Variants in KYNU observed in about 807,000 individuals in gnomAD.
The protein encoded by KYNU is kynureninase, also known as L-kynurenine hydrolase.
In KYNU, 54 loss-of-function variants were observed where a neutral mutation model predicts 59.2. That is an observed-to-expected ratio of 0.91 (90% confidence interval 0.73 to 1.14). The LOEUF (loss-of-function observed/expected upper bound fraction) is 1.14, where lower values mean the gene tolerates loss of function less well. KYNU is among the 50% of genes most tolerant of loss of function. The pLI, the probability that KYNU is intolerant of heterozygous loss-of-function variation, is 0.00. For missense variants in KYNU, 567 were observed against 554.4 expected (o/e 1.02, Z -0.23); for synonymous variants, 177 against 192.0 (o/e 0.92, Z 0.65).
intron 8 of KYNU, among the ~76,000 whole-genome samples, chr2:142,972,858 GTC>G (rs1340539336): frequency 6.8e-6 from 1 of 146,230 alleles, no homozygotes; most frequent in Non-Finnish European, 1.5e-5. Flanking sequence ...CAGAGATGAG[GTC>G]TCTCTCTACA....
At chr2:142,930,628 G>A (rs1683178196) in intron 4 of KYNU, among the ~76,000 whole-genome samples, 1 of 152,026 alleles carries the variant, frequency 6.6e-6, no homozygotes, top group Admixed American at 6.6e-5. Context: ...TTGTGTACTG[G>A]AGGAAACAGT....
chr2:143,004,086 G>A lies in KYNU; in HGVS notation c.902+18065G>A, dbSNP rs867840509. ...ATCATTTTGACTAATTCATGAAAAT[G>A]TAACAAATTCATTAGATGATAGGCT... On this transcript the variant is annotated intron_variant, in intron 10 of 13. Coordinates refer to ENST00000264170, the MANE Select transcript of KYNU (RefSeq NM_003937.3). 1.3e-5 allele frequency among the ~76,000 whole-genome samples: 2 copies of A among 152,302 alleles called. 1 individual carries two copies. Among genetic ancestry groups the A allele is most frequent in the Middle Eastern group, 6.8e-3 (2 of 294 alleles).
chr2:142,882,598 C>A (rs139862455), intron 1 of KYNU, among the ~76,000 whole-genome samples: 1 of 152,024 alleles, frequency 6.6e-6, no homozygotes, highest in Non-Finnish European at 1.5e-5. Context: ...TCTGTCCTTG[C>A]GATAGTTTGC....
At chr2:142,903,511 A>C (rs1682180653) in intron 2 of KYNU, among the ~76,000 whole-genome samples, 1 of 147,200 alleles carries the variant, frequency 6.8e-6, no homozygotes, top group Admixed American at 6.9e-5. Context: ...AGAAGTATCT[A>C]GTGGCTGTCC....
At position 143,047,852 on chromosome 2, in the gene KYNU, C is replaced by CTTTTTTTTTTTTTTTT. The variant is rs61229238; in HGVS notation, c.*5691_*5706dup. Reference sequence around the variant, plus strand: ...GGCATAAGCTGCCACTCCTGGACCTCTTTTTTTTTTTTTTTTTTTTTTTTT... The same window carrying CTTTTTTTTTTTTTTTT: ...GGCATAAGCTGCCACTCCTGGACCTCTTTTTTTTTTTTTTTTTTTTTTTTTTTTTTTTTTTTTTTTT... On this transcript the variant is annotated 3_prime_UTR_variant, in exon 14 of 14. Transcript: ENST00000264170. 1.5e-4 allele frequency: 15 copies of CTTTTTTTTTTTTTTTT among 100,336 alleles called. 3 individuals are homozygous for CTTTTTTTTTTTTTTTT. Among genetic ancestry groups the CTTTTTTTTTTTTTTTT allele is most frequent in the Admixed American group, 1.1e-4 (1 of 8,834 alleles). 6.2% of individuals were successfully genotyped at this position (100,336 alleles called of 1,614,324 possible).
At chr2:142,936,761 G>A (rs1683403328) in intron 4 of KYNU, among the ~76,000 whole-genome samples, 1 of 152,206 alleles carries the variant, frequency 6.6e-6, no homozygotes, top group African/African-American at 2.4e-5. Context: ...AGTGACTAAT[G>A]TGCATGCAGA....
chr2:142,911,258 C>T (rs1305638262), intron 2 of KYNU, among the ~76,000 whole-genome samples: 1 of 152,048 alleles, frequency 6.6e-6, no homozygotes, highest in Non-Finnish European at 1.5e-5. Flanking sequence ...TTGGAGTTCT[C>T]CTTGTAGAGA....
At chr2:142,887,446 C>T (rs1290936424) in intron 2 of KYNU, among the ~76,000 whole-genome samples, 2 of 152,080 alleles carry the variant, frequency 1.3e-5, no homozygotes, top group Non-Finnish European at 2.9e-5. Context: ...AATCTCACTT[C>T]AGGATATATT....
rs539526233 is a variant in KYNU at position 143,055,401 on chromosome 2, T to C, written c.*13229T>C. On this transcript the variant is annotated 3_prime_UTR_variant, in exon 14 of 14. Transcript: ENST00000264170. ...CATCTCTCTACCTATTCTTTCATCC[T>C]TACATCTTTCTCTAACTATTCCTTT... 2 of 152,346 alleles carry C rather than the reference T, an allele frequency of 1.3e-5. No homozygotes were observed. 9.4% of individuals were successfully genotyped at this position (152,346 alleles called of 1,614,324 possible). A position where few individuals can be genotyped will look rare whatever the true frequency, so the allele number is the denominator to read the frequency against.
In KYNU at chr2:143,053,431, T is replaced by C. The variant is rs1373967070; in HGVS notation, c.*11259T>C. 6.6e-6 allele frequency: 1 copy of C among 152,162 alleles called. No homozygotes were observed. The highest frequency in any genetic ancestry group is 1.5e-5 in the Non-Finnish European group (1 of 68,032). 9.4% of individuals were successfully genotyped at this position (152,162 alleles called of 1,614,324 possible). On this transcript the variant is annotated 3_prime_UTR_variant, in exon 14 of 14. Coordinates refer to ENST00000264170, the MANE Select transcript of KYNU (RefSeq NM_003937.3). Reference sequence around the variant, plus strand: ...TTGGGTGACTGTTGCGAAGACATGATTGGTTTTGAAATGTGAGAACATTTA... The same window carrying C: ...TTGGGTGACTGTTGCGAAGACATGACTGGTTTTGAAATGTGAGAACATTTA...
chr2:142,944,750 A>G (rs186447408), intron 4 of KYNU, among the ~76,000 whole-genome samples: 123 of 152,378 alleles, frequency 8.1e-4, no homozygotes, highest in Non-Finnish European at 1.3e-3. Flanking sequence ...TCTAATTTGA[A>G]CCAAAAAAGA....
intron 8 of KYNU, among the ~76,000 whole-genome samples, chr2:142,969,158 A>G (rs1004313260): frequency 4.6e-5 from 7 of 152,296 alleles, no homozygotes; most frequent in African/African-American, 1.7e-4. Flanking sequence ...ATTCAAGAAA[A>G]AGACATGTTA....
At chr2:142,910,555 T>C (rs568579898) in intron 2 of KYNU, among the ~76,000 whole-genome samples, 39 of 152,314 alleles carry the variant, frequency 2.6e-4, no homozygotes, top group South Asian at 2.3e-3. Flanking sequence ...TTTCTTTTGC[T>C]GTGCAGAAGC....
chr2:143,026,967 T>C (rs1041326815), intron 10 of KYNU, among the ~76,000 whole-genome samples: 2 of 152,144 alleles, frequency 1.3e-5, no homozygotes, highest in African/African-American at 4.8e-5. Context: ...GGGATTAATA[T>C]AGGCACAGGA....
intron 2 of KYNU, among the ~76,000 whole-genome samples, chr2:142,913,860 G>T (rs1342476741): frequency 2.0e-5 from 3 of 152,196 alleles, no homozygotes; most frequent in African/African-American, 7.2e-5. Context: ...CTTGTTTTAT[G>T]AATCTGGGTG....
intron 4 of KYNU, among the ~76,000 whole-genome samples, chr2:142,933,826 A>T (rs561666532): frequency 8.5e-5 from 13 of 152,114 alleles, no homozygotes; most frequent in African/African-American, 1.2e-4. Flanking sequence ...TGTCTCTGAA[A>T]CCTTGAGGTA....
At chr2:142,991,990 G>A (rs1685409955) in intron 10 of KYNU, among the ~76,000 whole-genome samples, 1 of 151,892 alleles carries the variant, frequency 6.6e-6, no homozygotes, top group Non-Finnish European at 1.5e-5. Flanking sequence ...TTTCCAAGTA[G>A]CAGCATCTAT....
chr2:142,957,499 T>C lies in KYNU; in HGVS notation c.508-142T>C, dbSNP rs573452817. The C allele has an allele frequency of 1.9e-4, 117 of 630,040 alleles. 1 individual carries two copies. The South Asian group carries it at 2.0e-3, about 11-fold the overall frequency. 39.0% of individuals were successfully genotyped at this position (630,040 alleles called of 1,614,324 possible). A position where few individuals can be genotyped will look rare whatever the true frequency, so the allele number is the denominator to read the frequency against. ...ATTTTATTAAGTGGTTCTTCTCTGT[T>C]GTGTATTTTGTTTAGGTGTTTTAAC... is the stretch of plus-strand genomic sequence containing the variant. On this transcript the variant is annotated intron_variant, in intron 6 of 13. Transcript: ENST00000264170.
rs754059081 is a variant in KYNU, at chr2:142,985,984, T to C, written c.865T>C (p.Phe289Leu). The C allele has an allele frequency of 1.2e-6, 2 of 1,610,732 alleles. No homozygotes were observed. The highest frequency in any genetic ancestry group is 1.7e-6 in the Non-Finnish European group (2 of 1,177,660). The stretch of plus-strand genomic sequence containing the variant: ...AGGAGCAGGAGGAATTGCTGGTGCC[T>C]TCATTCATGAAAAGCATGCCCATAC... ...NAGAGGIAGA[F>L]IHEKHAHTIK... Residue 289 changes from phenylalanine to leucine, a missense_variant, in exon 10 of 14, where the codon TTC becomes CTC. Physicochemically the swap from Phe to Leu is conservative, Grantham distance 22 (BLOSUM62 0). Coordinates refer to ENST00000264170, the MANE Select transcript of KYNU (RefSeq NM_003937.3).
Sources: allele counts gnomAD v4.1 joint callset (sites outside exome capture counted in the v4.1 genomes callset), GRCh38; gene constraint gnomAD v4.1.1; transcripts MANE v1.5; gene names NCBI Gene and HGNC (gene_info 2026-07-23, HGNC 2026-07-21).